Variants in DCTN5 observed in about 807,000 individuals in gnomAD.
The protein encoded by DCTN5 is dynactin subunit 5.
A neutral mutation model predicts 23.5 loss-of-function variants in DCTN5; 14 were observed. The ratio of observed to expected loss-of-function variants is 0.60; its 90% CI spans 0.39 to 0.93. DCTN5 has a LOEUF of 0.93. Ranked by LOEUF, DCTN5 falls within the 40% of genes least tolerant of loss-of-function variation. The pLI, the probability that DCTN5 is intolerant of heterozygous loss-of-function variation, is 0.00. For missense variants in DCTN5, 156 were observed against 225.9 expected (o/e 0.69, Z 1.98); for synonymous variants, 67 against 79.6 (o/e 0.84, Z 0.84).
chr16:23,671,829 A>G lies in DCTN5; in HGVS notation c.*4685A>G, dbSNP rs1309083621. On this transcript the variant is annotated 3_prime_UTR_variant, in exon 6 of 6. Coordinates refer to ENST00000300087, the MANE Select transcript of DCTN5 (RefSeq NM_032486.4). ...GAAGTGAGAAGAGTTGGCACAGGAC[A>G]TCTTACTTCCCTGAAAACAGTACCT... The G allele has an allele frequency of 2.0e-5, 3 of 152,234 alleles. No individual in the cohort carries two copies. The highest frequency in any genetic ancestry group is 1.9e-4 in the East Asian group (1 of 5,204). 9.4% of individuals were successfully genotyped at this position (152,234 alleles called of 1,614,324 possible). A position where few individuals can be genotyped will look rare whatever the true frequency, so the allele number is the denominator to read the frequency against.
rs538645756 is a variant in DCTN5 at position 23,649,591 on chromosome 16, C to T, written c.117+6568C>T. Among the ~76,000 whole-genome samples the T allele has an allele frequency of 3.9e-5, 6 of 152,138 alleles. No homozygotes were observed. The East Asian group carries it at 1.2e-3, about 29-fold the overall frequency. On this transcript the variant is annotated intron_variant, in intron 2 of 5. Transcript: ENST00000300087. ...GGTGCAGTGGCTCACGCCTATAATC[C>T]CAGCTCTTCGAGAGGCCAAGGCGGG...
intron 4 of DCTN5, among the ~76,000 whole-genome samples, chr16:23,664,770 C>G (rs1000403894): frequency 6.6e-6 from 1 of 152,216 alleles, no homozygotes; most frequent in Non-Finnish European, 1.5e-5. Flanking sequence ...CTATCACTCA[C>G]CAGTGGGAGA....
At chr16:23,653,061 G>T (rs1006882991) in intron 2 of DCTN5, among the ~76,000 whole-genome samples, 2 of 152,146 alleles carry the variant, frequency 1.3e-5, no homozygotes, top group Non-Finnish European at 2.9e-5. Flanking sequence ...AGGATCACTT[G>T]AGCCTGGGAG....
chr16:23,644,678 C>A (rs1271679726), intron 2 of DCTN5, among the ~76,000 whole-genome samples: 1 of 151,846 alleles, frequency 6.6e-6, no homozygotes, highest in Admixed American at 6.6e-5. Context: ...TCAGATGATC[C>A]ATCCACTTCA....
intron 3 of DCTN5, among the ~76,000 whole-genome samples, chr16:23,660,715 T>A (rs1967794127): frequency 6.6e-6 from 1 of 152,234 alleles, no homozygotes; most frequent in Non-Finnish European, 1.5e-5. Flanking sequence ...GCATTGAGTC[T>A]GGCACATAGT....
At chr16:23,657,858 G>C (rs201095889) in intron 2 of DCTN5, among the ~76,000 whole-genome samples, 1 of 152,166 alleles carries the variant, frequency 6.6e-6, no homozygotes, top group East Asian at 1.9e-4. Flanking sequence ...CATGTCCCTT[G>C]CTTACTTTTT....
At position 23,642,687 on chromosome 16, in the gene DCTN5, A is replaced by G. The variant is rs138363221; in HGVS notation, c.49-268A>G. 7.8e-4 allele frequency: 276 copies of G among 355,708 alleles called. 2 individuals carry two copies. The highest frequency in any genetic ancestry group is 5.2e-3 in the African/African-American group (249 of 47,552). The allele number at this position is 355,708 out of a possible 1,614,324, so 22.0% of individuals were successfully genotyped here. A position where few individuals can be genotyped will look rare whatever the true frequency, so the allele number is the denominator to read the frequency against. ...TTTTTTGTTGAGAAGGGGTCTCACT[A>G]TGTTGCCTAGGCTGGTCTTGAGCTC... is the stretch of plus-strand genomic sequence containing the variant. On this transcript the variant is annotated intron_variant, in intron 1 of 5. Transcript: ENST00000300087.
At chr16:23,662,717 C>T (rs995458395) in intron 4 of DCTN5, among the ~76,000 whole-genome samples, 2 of 152,174 alleles carry the variant, frequency 1.3e-5, no homozygotes, top group Non-Finnish European at 2.9e-5. Flanking sequence ...TAGTAAAGTT[C>T]ATCTCTCCCC....
At chr16:23,650,863 G>A in intron 2 of DCTN5, 1 of 1,432,188 alleles carries the variant, frequency 7.0e-7, no homozygotes, top group South Asian at 1.2e-5. Flanking sequence ...ACAATAGAGA[G>A]TGGTGGGGCC....
rs869033729 is a variant in DCTN5 at position 23,645,137 on chromosome 16, A to AT, written c.117+2128dup. 9.9e-3 allele frequency among the ~76,000 whole-genome samples: 305 copies of AT among 30,788 alleles called. 28 individuals are homozygous for AT. Among genetic ancestry groups the AT allele is most frequent in the South Asian group, 0.015 (12 of 776 alleles). The allele number at this position is 30,788 out of a possible 152,430, so 20.2% of individuals were successfully genotyped here. ...TATATATATATATATATATATATAT[A>AT]TTTTTTTTTTTTTTAATACGCAGTT... On this transcript the variant is annotated intron_variant, in intron 2 of 5. Coordinates refer to ENST00000300087, the MANE Select transcript of DCTN5 (RefSeq NM_032486.4).
At chr16:23,647,098 C>T (rs77162052) in intron 2 of DCTN5, among the ~76,000 whole-genome samples, 10,807 of 149,934 alleles carry the variant, frequency 0.072, 707 homozygotes, top group African/African-American at 0.18. Flanking sequence ...GAACACTGCA[C>T]TGTTTTGATT....
intron 2 of DCTN5, among the ~76,000 whole-genome samples, chr16:23,658,127 G>T (rs909850463): frequency 2.0e-5 from 3 of 152,218 alleles, no homozygotes; most frequent in Non-Finnish European, 2.9e-5. Context: ...TAAGAAAGAA[G>T]ACAAAGGTAA....
intron 2 of DCTN5, among the ~76,000 whole-genome samples, chr16:23,649,148 A>C (rs919658477): frequency 4.6e-5 from 7 of 152,234 alleles, no homozygotes; most frequent in Admixed American, 2.6e-4. Context: ...GGCATGAGCC[A>C]CCGTGCCTGG....
In DCTN5 at chr16:23,675,214, A is replaced by G. The variant is rs1968068668; in HGVS notation, c.*8070A>G. The G allele has an allele frequency of 6.6e-6, 1 of 152,118 alleles. No individual in the cohort carries two copies. The highest frequency in any genetic ancestry group is 2.1e-4 in the South Asian group (1 of 4,828). 9.4% of individuals were successfully genotyped at this position (152,118 alleles called of 1,614,324 possible). ...TCTAGGATGATAGTTAAAAAAAAAA[A>G]TGTTGGCCAGGCGCAGTGATGGATG... On this transcript the variant is annotated 3_prime_UTR_variant, in exon 6 of 6. Coordinates refer to ENST00000300087, the MANE Select transcript of DCTN5 (RefSeq NM_032486.4).
intron 4 of DCTN5, among the ~76,000 whole-genome samples, chr16:23,664,448 G>C (rs1259008552): frequency 2.6e-5 from 4 of 152,210 alleles, no homozygotes; most frequent in African/African-American, 9.6e-5. Flanking sequence ...TAAAATCTGA[G>C]GTCTGGACTG....
rs768418164 is a variant in DCTN5 at position 23,670,531 on chromosome 16, T to C, written c.*3387T>C. On this transcript the variant is annotated 3_prime_UTR_variant, in exon 6 of 6. Coordinates refer to ENST00000300087, the MANE Select transcript of DCTN5 (RefSeq NM_032486.4). The stretch of plus-strand genomic sequence containing the variant: ...GCCTAGAGGGTGCTGCCCAGCCATA[T>C]TCTGGCTAGCCTCAGCGGTTCTCCT... The C allele has an allele frequency of 6.6e-6, 1 of 152,178 alleles. No individual in the cohort carries two copies. The highest frequency in any genetic ancestry group is 1.5e-5 in the Non-Finnish European group (1 of 68,024). The allele number at this position is 152,178 out of a possible 1,614,324, so 9.4% of individuals were successfully genotyped here.
chr16:23,643,669 C>T (rs995986514), intron 2 of DCTN5, among the ~76,000 whole-genome samples: 2 of 151,710 alleles, frequency 1.3e-5, no homozygotes, highest in Non-Finnish European at 2.9e-5. Context: ...AAGGTAGAAA[C>T]TAAAGTAATA....
chr16:23,650,942 G>A (rs544483750), intron 2 of DCTN5: 91 of 1,425,378 alleles, frequency 6.4e-5, no homozygotes, highest in Admixed American at 2.9e-4. Flanking sequence ...ACAGGCCCAC[G>A]TGGCAACAAT....
chr16:23,654,632 T>C (rs1363991880), intron 2 of DCTN5, among the ~76,000 whole-genome samples: 1 of 152,234 alleles, frequency 6.6e-6, no homozygotes, highest in Admixed American at 6.5e-5. Flanking sequence ...TATTTCCTTC[T>C]AGCTGTTTTG....
Sources: allele counts gnomAD v4.1 joint callset (sites outside exome capture counted in the v4.1 genomes callset), GRCh38; gene constraint gnomAD v4.1.1; transcripts MANE v1.5; gene names NCBI Gene and HGNC (gene_info 2026-07-23, HGNC 2026-07-21).